The following THSD7B variants were observed in gnomAD, a reference collection of about 807,000 sequenced individuals.
The protein encoded by THSD7B is thrombospondin type 1 domain containing 7B.
THSD7B carries 138 observed loss-of-function variants against 213.6 expected under a neutral mutation model. The observed-to-expected ratio is 0.65, with a 90% CI of 0.56 to 0.74. The LOEUF is 0.74. THSD7B is among the 30% of genes least tolerant of loss of function. THSD7B has a pLI of 0.00. For synonymous variants in THSD7B, 742 were observed against 687.0 expected, an observed-to-expected ratio of 1.08 and a Z score of -1.25; for missense variants, 1,931 against 1,991.5, an observed-to-expected ratio of 0.97 and a Z score of 0.58.
At chr2:137,539,475 G>A (rs1348803542) in intron 15 of THSD7B, among the ~76,000 whole-genome samples, 1 of 151,668 alleles carries the variant, frequency 6.6e-6, no homozygotes, top group Non-Finnish European at 1.5e-5. Context: ...TTATGTCTAA[G>A]CTTCATCAAA....
At chr2:137,158,400 C>T (rs1679949422) in intron 5 of THSD7B, among the ~76,000 whole-genome samples, 1 of 152,158 alleles carries the variant, frequency 6.6e-6, no homozygotes, top group Non-Finnish European at 1.5e-5. Context: ...TTACATTCCC[C>T]TAATACCTGT....
chr2:136,777,001 C>G (rs1334678870), intron 1 of THSD7B, among the ~76,000 whole-genome samples: 2 of 152,134 alleles, frequency 1.3e-5, no homozygotes, highest in African/African-American at 4.8e-5. Context: ...CCATTCTCAG[C>G]TGTTGGGACT....
chr2:137,216,251 G>C (rs980783455), intron 7 of THSD7B, among the ~76,000 whole-genome samples: 1 of 141,234 alleles, frequency 7.1e-6, no homozygotes, highest in African/African-American at 2.6e-5. Flanking sequence ...CAGTTGTCAG[G>C]GTATCCCTGA....
At chr2:137,308,729 T>C (rs1367322971) in intron 12 of THSD7B, among the ~76,000 whole-genome samples, 2 of 152,094 alleles carry the variant, frequency 1.3e-5, no homozygotes, top group African/African-American at 4.8e-5. Context: ...TTACCTGAAA[T>C]CTCACCAACC....
At chr2:137,337,011 C>T (rs1684652885) in intron 12 of THSD7B, among the ~76,000 whole-genome samples, 1 of 151,610 alleles carries the variant, frequency 6.6e-6, no homozygotes, top group South Asian at 2.1e-4. Flanking sequence ...GCCACCTTTC[C>T]CTGTTGTTAA....
chr2:137,659,651 A>G lies in THSD7B; in HGVS notation c.4376-13A>G. The G allele has an allele frequency of 6.3e-7, 1 of 1,583,506 alleles. No individual in the cohort carries two copies. The highest frequency in any genetic ancestry group is 8.6e-7 in the Non-Finnish European group (1 of 1,165,538). On this transcript the variant is annotated splice_polypyrimidine_tract_variant and intron_variant, in intron 24 of 27. Transcript: ENST00000409968. ...AGAGAAATCTGCAAATGATGGTGGAATTTCCTTTGCAGGAGGCTGCTCCCC... is the reference window on the plus strand; with the variant it reads ...AGAGAAATCTGCAAATGATGGTGGAGTTTCCTTTGCAGGAGGCTGCTCCCC...
At chr2:137,125,279 A>G (rs542979987) in intron 5 of THSD7B, among the ~76,000 whole-genome samples, 6 of 152,210 alleles carry the variant, frequency 3.9e-5, no homozygotes, top group Non-Finnish European at 7.3e-5. Flanking sequence ...TTATTTCAAA[A>G]TTGGAGTCAA....
At chr2:137,369,312 A>C (rs2889099) in intron 12 of THSD7B, among the ~76,000 whole-genome samples, 86,077 of 151,950 alleles carry the variant, frequency 0.57, 27,527 homozygotes, top group East Asian at 0.77. Context: ...TGAGTTTGTT[A>C]ATTGCTGTCA....
intron 2 of THSD7B, among the ~76,000 whole-genome samples, chr2:136,896,269 T>C (rs960176489): frequency 2.9e-4 from 44 of 152,216 alleles, no homozygotes; most frequent in Admixed American, 2.2e-3. Flanking sequence ...GTAGTTATTT[T>C]AGTGGGTGTG....
intron 2 of THSD7B, among the ~76,000 whole-genome samples, chr2:136,939,433 A>G (rs759326752): frequency 7.2e-5 from 11 of 152,172 alleles, no homozygotes; most frequent in Non-Finnish European, 1.3e-4. Context: ...CATTACCTGT[A>G]GTAAATAATT....
At chr2:137,320,880 C>T (rs540858164) in intron 12 of THSD7B, among the ~76,000 whole-genome samples, 15 of 152,288 alleles carry the variant, frequency 9.8e-5, no homozygotes, top group South Asian at 4.1e-4. Flanking sequence ...TGAAGCCTTC[C>T]GCAATTCAAA....
intron 14 of THSD7B, among the ~76,000 whole-genome samples, chr2:137,428,390 G>A (rs1364231952): frequency 1.3e-5 from 2 of 152,066 alleles, no homozygotes; most frequent in Admixed American, 1.3e-4. Context: ...AAAATCATCA[G>A]TTTCTCACAA....
chr2:137,650,671 C>A (rs1385700812), intron 21 of THSD7B, among the ~76,000 whole-genome samples: 1 of 152,110 alleles, frequency 6.6e-6, no homozygotes, highest in African/African-American at 2.4e-5. Flanking sequence ...GATCTTAGAG[C>A]AAACGCTTTC....
At chr2:137,359,885 T>C (rs1685215049) in intron 12 of THSD7B, among the ~76,000 whole-genome samples, 1 of 152,158 alleles carries the variant, frequency 6.6e-6, no homozygotes, top group African/African-American at 2.4e-5. Context: ...CACAAGACAG[T>C]TGGTATTCAA....
Position 137,338,956 on chromosome 2 carries a change from G to A in THSD7B, c.2500+62930G>A, listed in dbSNP as rs147424343. Among the ~76,000 whole-genome samples the A allele has an allele frequency of 1.8e-4, 28 of 152,110 alleles. No individual in the cohort carries two copies. In the East Asian group the frequency reaches 5.4e-3, roughly 29 times the overall value. ...ATTGTCTTTTGCATGATTCCATAAT[G>A]AATTGGCTACTTGTATGTACTCATA... On this transcript the variant is annotated intron_variant, in intron 12 of 27. Coordinates refer to ENST00000409968, the MANE Select transcript of THSD7B (RefSeq NM_001316349.2).
intron 17 of THSD7B, among the ~76,000 whole-genome samples, chr2:137,600,749 CAAAAAAACAAAAT>C (rs1415529367): frequency 1.3e-5 from 2 of 151,956 alleles, no homozygotes; most frequent in African/African-American, 4.8e-5. Context: ...CAAAACAAAA[CAAAAAAACAAAAT>C]TTAACTACAA....
intron 12 of THSD7B, among the ~76,000 whole-genome samples, chr2:137,278,042 G>A (rs994849879): frequency 1.3e-5 from 2 of 152,070 alleles, no homozygotes; most frequent in African/African-American, 4.8e-5. Flanking sequence ...GAGATGCGGG[G>A]CTAGACTGAA....
intron 6 of THSD7B, among the ~76,000 whole-genome samples, chr2:137,169,729 C>T (rs937019383): frequency 5.9e-5 from 9 of 152,106 alleles, no homozygotes; most frequent in East Asian, 1.9e-4. Context: ...AAAAGGTAGA[C>T]GTAGCCTTTA....
chr2:137,014,572 T>G (rs72983579), intron 2 of THSD7B, among the ~76,000 whole-genome samples: 10,821 of 152,218 alleles, frequency 0.071, 415 homozygotes, highest in East Asian at 0.15. Flanking sequence ...CAGCCTGGGA[T>G]TTCTTTCATT....
Sources: gnomAD v4.1 joint callset for allele counts (sites outside exome capture counted in the v4.1 genomes callset) on GRCh38, gnomAD v4.1.1 for gene constraint, MANE v1.5 for transcripts, NCBI Gene and HGNC (gene_info 2026-07-23, HGNC 2026-07-21) for gene names.